Variants in ARHGAP25 observed in about 807,000 individuals in gnomAD.
ARHGAP25 encodes rho GTPase-activating protein 25.
A neutral mutation model predicts 71.0 loss-of-function variants in ARHGAP25; 34 were observed. The observed-to-expected ratio is 0.48, with a 90% CI of 0.36 to 0.64. The LOEUF (loss-of-function observed/expected upper bound fraction) is 0.64, where lower values mean the gene tolerates loss of function less well. Among genes scored for constraint, ARHGAP25 ranks in the 30% least tolerant of loss-of-function variants. ARHGAP25 has a pLI of 0.00. For synonymous variants in ARHGAP25, 282 were observed against 296.5 expected (o/e 0.95, Z 0.50); for missense variants, 706 against 805.1 (o/e 0.88, Z 1.49).
In ARHGAP25 at chr2:68,767,733, A is replaced by G. The variant is rs893959166; in HGVS notation, c.62-7488A>G. On this transcript the variant is annotated intron_variant, in intron 1 of 10. Transcript: ENST00000409202. The surrounding 1 kb of genome is among the most constrained non-coding windows in gnomAD (Gnocchi z 4.6). Reference sequence around the variant, plus strand: ...ATGTCCGTTTTCTTGTTGGGGTATCAGCACAGCCTCAGTGGTGGGCTTGAG... The same window carrying G: ...ATGTCCGTTTTCTTGTTGGGGTATCGGCACAGCCTCAGTGGTGGGCTTGAG... Among the ~76,000 whole-genome samples, 3 of 152,176 alleles carry G rather than the reference A, an allele frequency of 2.0e-5. No individual in the cohort carries two copies. Among genetic ancestry groups the G allele is most frequent in the Non-Finnish European group, 2.9e-5 (2 of 68,032 alleles).
At chr2:68,802,407 C>CA (rs10688959) in intron 4 of ARHGAP25, among the ~76,000 whole-genome samples, 21,466 of 82,084 alleles carry the variant, frequency 0.26, 3,216 homozygotes, top group Admixed American at 0.3. Flanking sequence ...GACTCCATCT[C>CA]AAAAAAAAAA....
At chr2:68,797,399 C>G (rs1679636008) in intron 4 of ARHGAP25, among the ~76,000 whole-genome samples, 1 of 152,184 alleles carries the variant, frequency 6.6e-6, no homozygotes, top group Admixed American at 6.5e-5. Flanking sequence ...TCCATCCTGG[C>G]TATGGCAGCC....
At chr2:68,817,762 G>C (rs536787113) in intron 7 of ARHGAP25, 111 bp from the exon 8 acceptor site, 1 of 1,352,114 alleles carries the variant, frequency 7.4e-7, no homozygotes, top group African/African-American at 1.4e-5. Flanking sequence ...TCTCATTCCT[G>C]AGTCTGGGAG....
At position 68,822,719 on chromosome 2, in the gene ARHGAP25, C is replaced by T. The variant is rs756405603; in HGVS notation, c.1580C>T (p.Ser527Phe). The T allele has an allele frequency of 3.1e-6, 5 of 1,614,138 alleles. No individual in the cohort carries two copies. The highest frequency in any genetic ancestry group is 4.2e-6 in the Non-Finnish European group (5 of 1,180,036). Residue 527 changes from serine (S) to phenylalanine (F), a missense_variant, in exon 10 of 11, where the codon TCC (serine) becomes TTC (phenylalanine). Coordinates refer to ENST00000409202, the MANE Select transcript of ARHGAP25 (RefSeq NM_001007231.3). ...GCACTCTCTTCCCAAGCCTGTGACT[C>T]CAAGGGAGATACTCTTGCCAGTCCA... Reference protein sequence around the residue: ...ASALSSQACDSKGDTLASPNS... With the variant: ...ASALSSQACDFKGDTLASPNS...
chr2:68,806,038 C>G (rs1680334852), intron 4 of ARHGAP25, among the ~76,000 whole-genome samples: 2 of 152,166 alleles, frequency 1.3e-5, no homozygotes, highest in Non-Finnish European at 2.9e-5. Context: ...AAAGTTTCTC[C>G]ACGCAGACAG....
At chr2:68,784,300 AC>A (rs2104394662) in intron 3 of ARHGAP25, among the ~76,000 whole-genome samples, 1 of 152,228 alleles carries the variant, frequency 6.6e-6, no homozygotes, top group African/African-American at 2.4e-5. Flanking sequence ...GTTCCACCCA[AC>A]CCTAAAGTGA....
chr2:68,806,926 T>A (rs1406002935), intron 4 of ARHGAP25, among the ~76,000 whole-genome samples: 2 of 152,238 alleles, frequency 1.3e-5, no homozygotes, highest in Non-Finnish European at 2.9e-5. Context: ...AGGCTCAGTG[T>A]CTTTAACAGT....
intron 3 of ARHGAP25, among the ~76,000 whole-genome samples, chr2:68,785,063 A>G (rs1678652319): frequency 6.6e-6 from 1 of 152,216 alleles, no homozygotes; most frequent in African/African-American, 2.4e-5. Context: ...CCTATTTCAT[A>G]TGTTCAAGGA....
At chr2:68,820,475 G>A (rs372787077) in intron 9 of ARHGAP25, among the ~76,000 whole-genome samples, 1 of 152,116 alleles carries the variant, frequency 6.6e-6, no homozygotes, top group Non-Finnish European at 1.5e-5. Context: ...CTCTAACTCC[G>A]GGTGGGGTTT....
At chr2:68,710,891 T>C (rs1272251856) in intron 2 of ARHGAP25, among the ~76,000 whole-genome samples, 1 of 152,192 alleles carries the variant, frequency 6.6e-6, no homozygotes. Flanking sequence ...AATGGGCCTA[T>C]GGAAAGTGAA....
In ARHGAP25 at chr2:68,817,946, G is replaced by A. The variant is rs1681350415; in HGVS notation, c.955G>A (p.Val319Met). 2.5e-6 allele frequency: 4 copies of A among 1,614,056 alleles called. No individual in the cohort carries two copies. Among genetic ancestry groups the A allele is most frequent in the African/African-American group, 2.7e-5 (2 of 74,938 alleles). ...GGACAACCTGGCTACTGTGATTGGT[G>A]TGAATCTCATCAGGTCGAAGGTCGA... is the stretch of plus-strand genomic sequence containing the variant. Reference protein sequence around the residue: ...SVDNLATVIGVNLIRSKVEDP... With the variant: ...SVDNLATVIGMNLIRSKVEDP... Residue 319 changes from valine (V) to methionine (M), a missense_variant, in exon 8 of 11, where the codon GTG becomes ATG. Physicochemically the swap from Val to Met is conservative, Grantham distance 21 (BLOSUM62 1). Transcript: ENST00000409202.
chr2:68,760,773 T>C (rs1043007430), intron 1 of ARHGAP25, among the ~76,000 whole-genome samples: 1 of 150,776 alleles, frequency 6.6e-6, no homozygotes, highest in African/African-American at 2.4e-5. Context: ...ACAGATTTAA[T>C]GCAATTCCTA....
At chr2:68,794,437 C>T (rs575958603) in intron 4 of ARHGAP25, among the ~76,000 whole-genome samples, 4 of 152,074 alleles carry the variant, frequency 2.6e-5, no homozygotes, top group South Asian at 2.1e-4. Context: ...TTTTGAGGCA[C>T]GTTCCTCCTA....
intron 2 of ARHGAP25, among the ~76,000 whole-genome samples, chr2:68,781,389 C>CAAAAAAAAAAAAAAAAAAAAA (rs1558633154): frequency 6.6e-6 from 1 of 151,856 alleles, no homozygotes; most frequent in Non-Finnish European, 1.5e-5. Context: ...GACTCCGTCT[C>CAAAAAAAAAAAAAAAAAAAAA]AAAAAGAAAC....
At chr2:68,786,200 C>T (rs1346403518) in intron 3 of ARHGAP25, among the ~76,000 whole-genome samples, 1 of 152,124 alleles carries the variant, frequency 6.6e-6, no homozygotes. Context: ...AGTGGGGTTG[C>T]TCATGACAGA....
intron 2 of ARHGAP25, among the ~76,000 whole-genome samples, chr2:68,723,328 T>A (rs1324927414): frequency 6.6e-6 from 1 of 152,200 alleles, no homozygotes; most frequent in East Asian, 1.9e-4. Context: ...GCCTATAAAG[T>A]TAGCCTTCTA....
intron 3 of ARHGAP25, among the ~76,000 whole-genome samples, chr2:68,786,813 G>A (rs1451798099): frequency 6.6e-6 from 1 of 152,252 alleles, no homozygotes; most frequent in Non-Finnish European, 1.5e-5. Flanking sequence ...GCTAGAACAA[G>A]CTCTCTGAGG....
At chr2:68,752,621 T>C (rs936985734) in intron 1 of ARHGAP25, among the ~76,000 whole-genome samples, 3 of 152,130 alleles carry the variant, frequency 2.0e-5, no homozygotes, top group African/African-American at 7.2e-5. Flanking sequence ...TCAAGCTGTG[T>C]CTATTTCATT....
upstream of ARHGAP25, among the ~76,000 whole-genome samples, chr2:68,734,326 T>G (rs1018189580): frequency 6.6e-6 from 1 of 152,196 alleles, no homozygotes; most frequent in Non-Finnish European, 1.5e-5. Context: ...ACACCCTGTG[T>G]ACAATGCCAA....
Sources: allele counts gnomAD v4.1 joint callset (sites outside exome capture counted in the v4.1 genomes callset), GRCh38; gene constraint gnomAD v4.1.1; non-coding constraint Gnocchi (gnomAD v3.1); transcripts MANE v1.5; gene names NCBI Gene and HGNC (gene_info 2026-07-23, HGNC 2026-07-21).